Variants in DACH2 observed in about 807,000 individuals in gnomAD.
The protein encoded by DACH2 is dachshund family transcription factor 2, also known as dachshund homolog 2.
In DACH2, 17 loss-of-function variants were observed where a neutral mutation model predicts 35.8. That is an observed-to-expected ratio of 0.48 (90% CI 0.33 to 0.71). The LOEUF (loss-of-function observed/expected upper bound fraction) is 0.71, where lower values mean the gene tolerates loss of function less well. Among genes scored for constraint, DACH2 ranks in the 30% least tolerant of loss-of-function variants. The probability of loss-of-function intolerance (pLI) is 0.02; values close to 1 mark genes in which losing one functional copy is unlikely to be tolerated. For missense variants in DACH2, 469 were observed against 472.7 expected, an observed-to-expected ratio of 0.99 and a Z score of 0.07; for synonymous variants, 195 against 177.3, an observed-to-expected ratio of 1.10 and a Z score of -0.79.
intron 1 of DACH2, among the ~76,000 whole-genome samples, chrX:86,254,781 A>AATAT (rs1200745075): frequency 0.083 from 1,857 of 22,409 alleles, 145 homozygotes; most frequent in Non-Finnish European, 0.1. Context: ...CAAATAAATA[A>AATAT]ATATATATAT....
chrX:86,668,110 G>A (rs2040721402), intron 4 of DACH2, among the ~76,000 whole-genome samples: 1 of 109,952 alleles, frequency 9.1e-6, no homozygotes, highest in Admixed American at 9.5e-5. Flanking sequence ...TGTTTTAATA[G>A]GAGAAAAAAA....
chrX:86,412,602 A>G (rs1228716783), intron 2 of DACH2, among the ~76,000 whole-genome samples: 1 of 112,104 alleles, frequency 8.9e-6, no homozygotes, highest in African/African-American at 3.2e-5. Flanking sequence ...GGCCTTGGTC[A>G]GAGGCAATGC....
chrX:86,233,897 G>T (rs949630263), intron 1 of DACH2, among the ~76,000 whole-genome samples: 2 of 111,865 alleles, frequency 1.8e-5, no homozygotes, highest in African/African-American at 6.5e-5. Flanking sequence ...CTGCCCCTGT[G>T]ACTCAAATAA....
intron 2 of DACH2, among the ~76,000 whole-genome samples, chrX:86,501,088 C>G (rs191367119): frequency 2.6e-4 from 29 of 112,133 alleles, no homozygotes; most frequent in East Asian, 2.2e-3. Flanking sequence ...CTTCGTCAAC[C>G]TTCTTGTATT....
At position 86,148,885 on chromosome X, in the gene DACH2, A is replaced by T. The variant is rs767557876; in HGVS notation, c.265A>T (p.Ile89Phe). The change falls in exon 1 of 12, where the codon ATC (isoleucine) becomes TTC (phenylalanine). Residue 89 changes from isoleucine (I) to phenylalanine (F), a missense_variant. Coordinates refer to ENST00000373125, the MANE Select transcript of DACH2 (RefSeq NM_053281.3). Reference sequence around the variant, plus strand: ...GTTCCTGATGGACGGCCAGGAACTGATCTGCCTGCCGCAAGTCTTTGATCT... The same window carrying T: ...GTTCCTGATGGACGGCCAGGAACTGTTCTGCCTGCCGCAAGTCTTTGATCT... ...ASFLMDGQEL[I>F]CLPQVFDLFL... is the part of the protein sequence containing the mutation. 1 of 1,211,235 alleles carries T rather than the reference A, an allele frequency of 8.3e-7. No homozygotes were observed. The highest frequency in any genetic ancestry group is 3.0e-5 in the East Asian group (1 of 33,762).
intron 1 of DACH2, among the ~76,000 whole-genome samples, chrX:86,281,482 G>T (rs771202764): frequency 9.0e-6 from 1 of 111,419 alleles, no homozygotes; most frequent in Non-Finnish European, 1.9e-5. Context: ...AATCAACTAG[G>T]TATTGATGGA....
intron 1 of DACH2, among the ~76,000 whole-genome samples, chrX:86,210,214 T>C (rs191539292): frequency 1.9e-3 from 216 of 111,701 alleles, no homozygotes; most frequent in African/African-American, 6.7e-3. Context: ...TCTAGTTTTA[T>C]TTTTCTTCAC....
intron 2 of DACH2, among the ~76,000 whole-genome samples, chrX:86,395,181 T>G (rs886615455): frequency 9.0e-6 from 1 of 111,328 alleles, no homozygotes; most frequent in African/African-American, 3.3e-5. Flanking sequence ...CTCTAACATA[T>G]AGCCCCATTT....
At chrX:86,631,006 C>T (rs942200994) in intron 3 of DACH2, among the ~76,000 whole-genome samples, 5 of 112,134 alleles carry the variant, frequency 4.5e-5, no homozygotes, top group African/African-American at 1.6e-4. Context: ...ATATAGTCAA[C>T]TTCTAGTGCT....
chrX:86,180,189 TA>T (rs2031438747), intron 1 of DACH2, among the ~76,000 whole-genome samples: 2 of 82,786 alleles, frequency 2.4e-5, no homozygotes, highest in African/African-American at 9.2e-5. Flanking sequence ...TATATATATA[TA>T]TATATATATA....
intron 3 of DACH2, among the ~76,000 whole-genome samples, chrX:86,544,784 G>T (rs921813950): frequency 3.6e-5 from 4 of 111,621 alleles, no homozygotes; most frequent in Admixed American, 9.5e-5. Context: ...TCAAATCCGC[G>T]CATGCCAATA....
At chrX:86,747,443 G>T in intron 7 of DACH2, among the ~76,000 whole-genome samples, 1 of 110,699 alleles carries the variant, frequency 9.0e-6, no homozygotes, top group East Asian at 2.9e-4. Context: ...ATACCCCAGA[G>T]ATATCATGTA....
Position 86,505,825 on chromosome X carries a change from G to A in DACH2, c.528-8454G>A, listed in dbSNP as rs188668958. Reference sequence around the variant, plus strand: ...AATTAAAACAGACAGATTAGAAAGTGAAAATACGAAGTATATTTTGAAGTT... The same window carrying A: ...AATTAAAACAGACAGATTAGAAAGTAAAAATACGAAGTATATTTTGAAGTT... On this transcript the variant is annotated intron_variant, in intron 2 of 11. Transcript: ENST00000373125. 1.3e-4 allele frequency among the ~76,000 whole-genome samples: 15 copies of A among 111,933 alleles called. No individual in the cohort carries two copies. In the East Asian group the frequency reaches 3.1e-3, roughly 23 times the overall value.
In DACH2 at chrX:86,419,976, C is replaced by G. The variant is rs181938932; in HGVS notation, c.527+43114C>G. On this transcript the variant is annotated intron_variant, in intron 2 of 11. Coordinates refer to ENST00000373125, the MANE Select transcript of DACH2 (RefSeq NM_053281.3). ...TCAAACTCTGTGAGCTCAGTATGCT[C>G]AGATAAAAAAATTAAACTAGTATGC... Among the ~76,000 whole-genome samples, 30 of 111,705 alleles carry G rather than the reference C, an allele frequency of 2.7e-4. No homozygotes were observed. The East Asian group carries it at 7.4e-3, about 28-fold the overall frequency.
chrX:86,274,452 T>G (rs1290882102), intron 1 of DACH2, among the ~76,000 whole-genome samples: 1 of 37,487 alleles, frequency 2.7e-5, no homozygotes, highest in East Asian at 9.9e-4. Flanking sequence ...CATTAAATCC[T>G]TTTTTTTTTT....
chrX:86,635,731 C>G (rs1245192471), intron 3 of DACH2, among the ~76,000 whole-genome samples: 1 of 111,049 alleles, frequency 9.0e-6, no homozygotes, highest in Non-Finnish European at 1.9e-5. Flanking sequence ...TCCTATACAC[C>G]AACAACAGTC....
At chrX:86,214,597 A>G (rs2032526208) in intron 1 of DACH2, among the ~76,000 whole-genome samples, 2 of 111,969 alleles carry the variant, frequency 1.8e-5, no homozygotes, top group South Asian at 7.4e-4. Context: ...CTATATCACC[A>G]TTTAAGAGTA....
At chrX:86,599,331 CTTTCTTTCTT>C (rs1247133016) in intron 3 of DACH2, among the ~76,000 whole-genome samples, 3 of 110,618 alleles carry the variant, frequency 2.7e-5, no homozygotes, top group Admixed American at 9.6e-5. Context: ...CTTTCTTTCT[CTTTCTTTCTT>C]TTTCTTTCTT....
intron 3 of DACH2, among the ~76,000 whole-genome samples, chrX:86,540,532 C>A (rs1246973000): frequency 8.9e-6 from 1 of 112,369 alleles, no homozygotes; most frequent in Non-Finnish European, 1.9e-5. Context: ...TTGATCTCTT[C>A]TGTTGGTACA....
Sources: gnomAD v4.1 joint callset for allele counts (sites outside exome capture counted in the v4.1 genomes callset) on GRCh38, gnomAD v4.1.1 for gene constraint, MANE v1.5 for transcripts, NCBI Gene and HGNC (gene_info 2026-07-23, HGNC 2026-07-21) for gene names.